The following FOXP2 variants were observed in gnomAD, a reference collection of about 807,000 sequenced individuals.
FOXP2 encodes the protein forkhead box protein P2.
FOXP2 carries 12 observed loss-of-function variants against 115.8 expected under a neutral mutation model. That is an observed-to-expected ratio of 0.10 (90% CI 0.07 to 0.17). FOXP2 has a LOEUF of 0.17. Among genes scored for constraint, FOXP2 ranks in the 10% least tolerant of loss-of-function variants. The probability of loss-of-function intolerance (pLI) is 1.00; values close to 1 mark genes in which losing one functional copy is unlikely to be tolerated. For synonymous variants in FOXP2, 328 were observed against 297.7 expected, an observed-to-expected ratio of 1.10 and a Z score of -1.05; for missense variants, 629 against 843.5, an observed-to-expected ratio of 0.75 and a Z score of 3.15.
chr7:114,690,209 C>T lies in FOXP2; in HGVS notation c.*283C>T. The T allele has an allele frequency of 2.0e-6, 1 of 488,576 alleles. No individual in the cohort carries two copies. Among genetic ancestry groups the T allele is most frequent in the Non-Finnish European group, 3.9e-6 (1 of 254,738 alleles). 30.3% of individuals were successfully genotyped at this position (488,576 alleles called of 1,614,324 possible). A position where few individuals can be genotyped will look rare whatever the true frequency, so the allele number is the denominator to read the frequency against. On this transcript the variant is annotated 3_prime_UTR_variant, in exon 17 of 17. Transcript: ENST00000350908. Reference sequence around the variant, plus strand: ...AAATGAACTGTTCTTTCTATAATGGCTTTGCCCATTTAAAAAATGTGGCTC... The same window carrying T: ...AAATGAACTGTTCTTTCTATAATGGTTTTGCCCATTTAAAAAATGTGGCTC...
intron 2 of FOXP2, among the ~76,000 whole-genome samples, chr7:114,459,879 G>A (rs1316241063): frequency 1.3e-5 from 2 of 152,110 alleles, no homozygotes; most frequent in Non-Finnish European, 2.9e-5. Flanking sequence ...GCCTCCCAAA[G>A]TTCTGGGATT....
intron 8 of FOXP2, 131 bp from the exon 9 acceptor site, chr7:114,652,072 A>G (rs1311639101): frequency 2.5e-6 from 2 of 797,780 alleles, no homozygotes; most frequent in African/African-American, 1.7e-5. Flanking sequence ...TTTTATCTGT[A>G]TGGTTTCAAG....
intron 3 of FOXP2, among the ~76,000 whole-genome samples, chr7:114,623,041 A>G (rs1804339126): frequency 2.0e-5 from 3 of 151,926 alleles, no homozygotes; most frequent in Admixed American, 1.3e-4. Context: ...AAGTATTCTA[A>G]TTCTATGTAA....
chr7:114,412,855 A>G (rs777087455), upstream of FOXP2, among the ~76,000 whole-genome samples: 1 of 152,268 alleles, frequency 6.6e-6, no homozygotes, highest in East Asian at 1.9e-4. Context: ...GCAAAGAGAC[A>G]CTAGTGGTAT....
chr7:114,547,198 C>T (rs1468985421), intron 3 of FOXP2, among the ~76,000 whole-genome samples: 1 of 148,026 alleles, frequency 6.8e-6, no homozygotes, highest in Non-Finnish European at 1.5e-5. Flanking sequence ...GGCTAGATAG[C>T]ATATAACATA....
chr7:114,543,721 G>A (rs985789151), intron 3 of FOXP2, among the ~76,000 whole-genome samples: 1 of 152,162 alleles, frequency 6.6e-6, no homozygotes, highest in Non-Finnish European at 1.5e-5. Flanking sequence ...TTGAAGAACT[G>A]CACAGGTGCA....
intron 13 of FOXP2, among the ~76,000 whole-genome samples, chr7:114,661,435 G>A (rs926043778): frequency 4.6e-5 from 7 of 151,916 alleles, no homozygotes; most frequent in Non-Finnish European, 8.8e-5. Context: ...TTCCAGCAAC[G>A]ACTTTCAGTT....
In FOXP2 at chr7:114,692,946, C is replaced by G. The variant is rs1304431920; in HGVS notation, c.*3020C>G. ...AGAATTGTAACAGCTGTTATTCGTT[C>G]TGTATTCATGGCTTTCACTGCTGAA... On this transcript the variant is annotated 3_prime_UTR_variant, in exon 17 of 17. Transcript: ENST00000350908. 1 of 453,878 alleles carries G rather than the reference C, an allele frequency of 2.2e-6. No individual in the cohort carries two copies. Among genetic ancestry groups the G allele is most frequent in the South Asian group, 1.6e-5 (1 of 64,462 alleles). 28.1% of individuals were successfully genotyped at this position (453,878 alleles called of 1,614,324 possible). A position where few individuals can be genotyped will look rare whatever the true frequency, so the allele number is the denominator to read the frequency against.
At chr7:114,666,395 T>C (rs973920497) in intron 16 of FOXP2, 5 of 152,124 alleles carry the variant, frequency 3.3e-5, no homozygotes, top group African/African-American at 1.2e-4. Context: ...ATAATAGATG[T>C]CAAATATTTA....
chr7:114,358,196 T>C (rs1451162366), intron 2 of FOXP2, among the ~76,000 whole-genome samples: 3 of 152,176 alleles, frequency 2.0e-5, no homozygotes, highest in Admixed American at 2.0e-4. Flanking sequence ...CTGAACGCAC[T>C]TTCTTGCCTG....
chr7:114,674,891 T>C (rs1807677756), intron 16 of FOXP2, among the ~76,000 whole-genome samples: 1 of 152,124 alleles, frequency 6.6e-6, no homozygotes, highest in African/African-American at 2.4e-5. Context: ...TTAACTTTAA[T>C]TACTCACATT....
chr7:114,175,494 T>A (rs934152537), intron 1 of FOXP2, among the ~76,000 whole-genome samples: 1 of 152,192 alleles, frequency 6.6e-6, no homozygotes, highest in Non-Finnish European at 1.5e-5. Context: ...TTCACATACA[T>A]GACCTAATGA....
chr7:114,599,407 A>G (rs1323669889), intron 3 of FOXP2, among the ~76,000 whole-genome samples: 2 of 152,118 alleles, frequency 1.3e-5, no homozygotes, highest in African/African-American at 4.8e-5. Flanking sequence ...GAGTTTGTGG[A>G]AGAATAGTAT....
intron 1 of FOXP2, chr7:114,416,316 C>T (rs1293220000): frequency 6.6e-6 from 1 of 151,942 alleles, no homozygotes; most frequent in African/African-American, 2.4e-5. Context: ...CCAGTATAAA[C>T]ACAGTCGGAG....
At chr7:114,551,124 GA>G (rs556484633) in intron 3 of FOXP2, among the ~76,000 whole-genome samples, 242 of 152,158 alleles carry the variant, frequency 1.6e-3, no homozygotes, top group Non-Finnish European at 1.8e-3. Context: ...TGCTCCAGAG[GA>G]AAAACCACAA....
At chr7:114,648,525 A>G (rs1198881118) in intron 8 of FOXP2, among the ~76,000 whole-genome samples, 3 of 152,158 alleles carry the variant, frequency 2.0e-5, no homozygotes, top group South Asian at 2.1e-4. Flanking sequence ...TTAAAATTGA[A>G]TCACTAATCT....
At chr7:114,645,029 A>AATATGTCATT (rs1805798450) in intron 8 of FOXP2, 1 of 368,470 alleles carries the variant, frequency 2.7e-6, no homozygotes, top group Non-Finnish European at 5.1e-6. Context: ...AGCCTACAAT[A>AATATGTCATT]ATATGTCATT....
At chr7:114,661,319 G>T (rs977068872) in intron 13 of FOXP2, among the ~76,000 whole-genome samples, 1 of 151,926 alleles carries the variant, frequency 6.6e-6, no homozygotes, top group African/African-American at 2.4e-5. Context: ...TTTTAGGAAT[G>T]ACTTAATTTG....
intron 2 of FOXP2, among the ~76,000 whole-genome samples, chr7:114,488,131 G>A (rs1169982758): frequency 6.6e-6 from 1 of 152,142 alleles, no homozygotes; most frequent in Non-Finnish European, 1.5e-5. Flanking sequence ...GCAAAGGGGA[G>A]GCAAGACATG....
Sources: gnomAD v4.1 joint callset for allele counts (sites outside exome capture counted in the v4.1 genomes callset) on GRCh38, gnomAD v4.1.1 for gene constraint, MANE v1.5 for transcripts, NCBI Gene and HGNC (gene_info 2026-07-23, HGNC 2026-07-21) for gene names.